The following APOA1 variants were observed in gnomAD, a reference collection of about 807,000 sequenced individuals.
The protein encoded by APOA1 is apolipoprotein A-I.
APOA1 carries 22 observed loss-of-function variants against 25.9 expected under a neutral mutation model. That is an observed-to-expected ratio of 0.85 (90% CI 0.61 to 1.21). The LOEUF is 1.21. Among genes scored for constraint, APOA1 ranks in the 50% most tolerant of loss-of-function variants. The probability of loss-of-function intolerance (pLI) is 0.00; values close to 1 mark genes in which losing one functional copy is unlikely to be tolerated. For missense variants in APOA1, 351 were observed against 347.9 expected (o/e 1.01, Z -0.07); for synonymous variants, 163 against 152.2 (o/e 1.07, Z -0.52).
In APOA1 at chr11:116,837,165, T is replaced by A. The variant is rs1158035521; in HGVS notation, c.44-8A>T. On this transcript the variant is annotated splice_region_variant and splice_polypyrimidine_tract_variant and intron_variant, in intron 2 of 3. Transcript: ENST00000236850. ...AATGCCGAGCCTGGCTCCCTGAGGG[T>A]GGGAGGGGAGACCCAGATCAGGCCA... 3 of 1,608,838 alleles carry A rather than the reference T, an allele frequency of 1.9e-6. No individual in the cohort carries two copies. Among genetic ancestry groups the A allele is most frequent in the Non-Finnish European group, 2.5e-6 (3 of 1,177,318 alleles).
Position 116,835,974 on chromosome 11 carries a change from A to C in APOA1, c.638T>G (p.Leu213Arg). The change falls in exon 4 of 4, where the codon CTG (leucine) becomes CGG (arginine). Residue 213 changes from leucine to arginine, a missense_variant. Leu to Arg is a moderately radical substitution (Grantham distance 102, BLOSUM62 -2). Transcript: ENST00000236850. Reference protein sequence around the residue: ...EALKENGGARLAEYHAKATEH... With the variant: ...EALKENGGARRAEYHAKATEH... ...GGTGGCCTTGGCGTGGTACTCGGCCAGTCTGGCGCCGCCGTTCTCCTTGAG... is the reference window on the plus strand; with the variant it reads ...GGTGGCCTTGGCGTGGTACTCGGCCCGTCTGGCGCCGCCGTTCTCCTTGAG... The C allele has an allele frequency of 6.2e-7, 1 of 1,610,704 alleles. No homozygotes were observed. Among genetic ancestry groups the C allele is most frequent in the Non-Finnish European group, 8.5e-7 (1 of 1,179,870 alleles).
chr11:116,836,909 T>C (rs1166252522), intron 3 of APOA1, 92 bp downstream of exon 3: 2 of 1,383,466 alleles, frequency 1.4e-6, no homozygotes, highest in African/African-American at 1.4e-5. Flanking sequence ...GCTCATCAGA[T>C]ATTAGGTGAG....
chr11:116,837,329 G>C lies in APOA1; in HGVS notation c.43+16C>G. The C allele has an allele frequency of 6.4e-7, 1 of 1,573,942 alleles. No individual in the cohort carries two copies. The highest frequency in any genetic ancestry group is 1.2e-5 in the South Asian group (1 of 86,710). ...AGCCCCCCGATGGTTGGCTCCCTAG[G>C]TTAGGGGACACCTACCCGTCAGGAA... On this transcript the variant is annotated intron_variant, in intron 2 of 3. Coordinates refer to ENST00000236850, the MANE Select transcript of APOA1 (RefSeq NM_000039.3).
At chr11:116,836,509 C>T in intron 3 of APOA1, 98 bp from the exon 4 acceptor site, 1 of 1,487,410 alleles carries the variant, frequency 6.7e-7, no homozygotes, top group Non-Finnish European at 9.1e-7. Context: ...GGTGCAGTGG[C>T]CTAGCATTTC....
chr11:116,836,435 G>A, intron 3 of APOA1, 24 bp from the exon 4 acceptor site: 1 of 1,612,522 alleles, frequency 6.2e-7, no homozygotes, highest in Non-Finnish European at 8.5e-7. Context: ...CAGAAGGGTT[G>A]AGGGCTGGCC....
rs780576714 is a variant in APOA1, at chr11:116,837,287, C to T, written c.43+58G>A. The T allele has an allele frequency of 4.3e-5, 69 of 1,590,964 alleles. No individual in the cohort carries two copies. In the Middle Eastern group the frequency reaches 6.6e-4, roughly 15 times the overall value. On this transcript the variant is annotated intron_variant, in intron 2 of 3. Coordinates refer to ENST00000236850, the MANE Select transcript of APOA1 (RefSeq NM_000039.3). ...TGCCTCTGCCCAGGAGGGTGGGCCA[C>T]GGGGATTTAGGGAGAAAGCCCCCCG...
intron 2 of APOA1, 74 bp downstream of exon 2, chr11:116,837,254 AAACCTGCTGCCTCTGCC>A (rs1941578337): frequency 6.3e-7 from 1 of 1,585,914 alleles, no homozygotes; most frequent in Admixed American, 1.7e-5. Flanking sequence ...GGCCAGTGAG[AAACCTGCTGCCTCTGCC>A]CAGGAGGGTG....
Position 116,836,624 on chromosome 11 carries a change from T to C in APOA1, c.201-213A>G, listed in dbSNP as rs1397455359. Reference sequence around the variant, plus strand: ...AAAAAGGAGACAGAGCTGGGACTAGTGCCCAGTTACGTTGGTCTCCAAAGT... The same window carrying C: ...AAAAAGGAGACAGAGCTGGGACTAGCGCCCAGTTACGTTGGTCTCCAAAGT... On this transcript the variant is annotated intron_variant, in intron 3 of 3. Coordinates refer to ENST00000236850, the MANE Select transcript of APOA1 (RefSeq NM_000039.3). Among the ~76,000 whole-genome samples, 6 of 152,182 alleles carry C rather than the reference T, an allele frequency of 3.9e-5. No homozygotes were observed. The East Asian group carries it at 1.2e-3, about 29-fold the overall frequency.
intron 1 of APOA1, 72 bp from the exon 2 acceptor site, chr11:116,837,479 T>G: frequency 1.4e-6 from 2 of 1,453,618 alleles, no homozygotes; most frequent in East Asian, 4.9e-5. Context: ...CCCCACTCAT[T>G]GCAGCCAGGT....
In APOA1 at chr11:116,836,323, C is replaced by T. The variant is rs1410980767; in HGVS notation, c.289G>A (p.Asp97Asn). The part of the protein sequence containing the change: ...QLGPVTQEFW[D>N]NLEKETEGLR... Reference sequence around the variant, plus strand: ...CCCTCTGTCTCCTTTTCCAGGTTATCCCAGAACTCCTGGGTCACAGGGCCG... The same window carrying T: ...CCCTCTGTCTCCTTTTCCAGGTTATTCCAGAACTCCTGGGTCACAGGGCCG... The change falls in exon 4 of 4, where the codon GAT (aspartate) becomes AAT (asparagine). Residue 97 changes from aspartate (D) to asparagine (N), a missense_variant. Asp to Asn is a conservative substitution (Grantham distance 23). Coordinates refer to ENST00000236850, the MANE Select transcript of APOA1 (RefSeq NM_000039.3). 5.0e-6 allele frequency: 8 copies of T among 1,614,196 alleles called. No homozygotes were observed. The highest frequency in any genetic ancestry group is 5.1e-6 in the Non-Finnish European group (6 of 1,180,042).
chr11:116,837,472 C>T, intron 1 of APOA1, 65 bp from the exon 2 acceptor site: 1 of 1,482,032 alleles, frequency 6.7e-7, no homozygotes, highest in Non-Finnish European at 9.2e-7. Context: ...CGTGCTCCCC[C>T]ACTCATTGCA....
rs1941525002 is a variant in APOA1 at position 116,835,787 on chromosome 11, A to AG, written c.*20dup. ...GAAACGTTTATTCTGAGCACCGGGAAGGGGGGCGGCGGCGGGCGCCTCACT... is the reference window on the plus strand; with the variant it reads ...GAAACGTTTATTCTGAGCACCGGGAAGGGGGGGCGGCGGCGGGCGCCTCACT... On this transcript the variant is annotated 3_prime_UTR_variant, in exon 4 of 4. Transcript: ENST00000236850. 1 of 1,612,802 alleles carries AG rather than the reference A, an allele frequency of 6.2e-7. No homozygotes were observed. The highest frequency in any genetic ancestry group is 8.5e-7 in the Non-Finnish European group (1 of 1,179,924).
chr11:116,835,774 C>T lies in APOA1; in HGVS notation c.*34G>A. ...GCTTCCCACTTTGGAAACGTTTATT[C>T]TGAGCACCGGGAAGGGGGGCGGCGG... On this transcript the variant is annotated 3_prime_UTR_variant, in exon 4 of 4. Coordinates refer to ENST00000236850, the MANE Select transcript of APOA1 (RefSeq NM_000039.3). The T allele has an allele frequency of 1.9e-6, 3 of 1,612,888 alleles. No individual in the cohort carries two copies. The South Asian group carries it at 3.3e-5, about 18-fold the overall frequency.
In APOA1 at chr11:116,835,784, G is replaced by C. The variant is rs531513949; in HGVS notation, c.*24C>G. 18 of 1,613,006 alleles carry C rather than the reference G, an allele frequency of 1.1e-5. No homozygotes were observed. The South Asian group carries it at 1.8e-4, about 16-fold the overall frequency. On this transcript the variant is annotated 3_prime_UTR_variant, in exon 4 of 4. Coordinates refer to ENST00000236850, the MANE Select transcript of APOA1 (RefSeq NM_000039.3). The stretch of plus-strand genomic sequence containing the variant: ...TTGGAAACGTTTATTCTGAGCACCG[G>C]GAAGGGGGGCGGCGGCGGGCGCCTC...
rs1230139450 is a variant in APOA1, at chr11:116,836,363, C to G, written c.249G>C (p.Lys83Asn). 1 of 1,614,156 alleles carries G rather than the reference C, an allele frequency of 6.2e-7. No individual in the cohort carries two copies. The highest frequency in any genetic ancestry group is 2.2e-5 in the East Asian group (1 of 44,878). ...TCACAGGGCCGAGCTGTTCGCGCAG[C>G]TTGCTGAAGGTGGAGGTCACGCTGT... Reference protein sequence around the residue: ...NWDSVTSTFSKLREQLGPVTQ... With the variant: ...NWDSVTSTFSNLREQLGPVTQ... The change falls in exon 4 of 4, where the codon AAG becomes AAC. Residue 83 changes from lysine (K) to asparagine (N), a missense_variant. By Grantham distance (94) the Lys-to-Asn change is moderately conservative. Transcript: ENST00000236850.
Position 116,837,379 on chromosome 11 carries a change from A to G in APOA1, c.9T>C (p.Ala3=), listed in dbSNP as rs141383703. The change falls in exon 2 of 4, where the codon GCT becomes GCC. Residue 3 remains alanine (A), a synonymous_variant. Transcript: ENST00000236850. MK[A]AVLTLAVLFL... ...AGAGCACGGCCAAGGTCAGCACCGC[A>G]GCTTTCATCCTGAAGGGCCGTGGGG... 2.1e-4 allele frequency: 327 copies of G among 1,560,830 alleles called. 1 individual carries two copies. The highest frequency in any genetic ancestry group is 8.1e-4 in the South Asian group (69 of 84,920).
In APOA1 at chr11:116,836,135, G is replaced by T. The variant is rs749164883; in HGVS notation, c.477C>A (p.His159Gln). Residue 159 changes from histidine to glutamine, a missense_variant, in exon 4 of 4, where the codon CAC (histidine) becomes CAA (glutamine). Transcript: ENST00000236850. ...ELQEGARQKL[H>Q]ELQEKLSPLG... ...GTGGGCTCAGCTTCTCTTGCAGCTC[G>T]TGCAGCTTCTGGCGCGCGCCCTCTT... 1.2e-6 allele frequency: 2 copies of T among 1,612,938 alleles called. No individual in the cohort carries two copies. Among genetic ancestry groups the T allele is most frequent in the South Asian group, 1.1e-5 (1 of 91,088 alleles).
chr11:116,835,949 G>C lies in APOA1; in HGVS notation c.663C>G (p.Thr221=), dbSNP rs1038782960. 5.6e-6 allele frequency: 9 copies of C among 1,612,334 alleles called. No homozygotes were observed. Among genetic ancestry groups the C allele is most frequent in the Non-Finnish European group, 6.8e-6 (8 of 1,179,950 alleles). ...ARLAEYHAKA[T]EHLSTLSEKA... is the part of the protein sequence containing the mutation. ...TCTCGCTGAGCGTGCTCAGATGCTC[G>C]GTGGCCTTGGCGTGGTACTCGGCCA... is the stretch of plus-strand genomic sequence containing the variant. The change falls in exon 4 of 4, where the codon ACC becomes ACG. Residue 221 remains threonine (T), a synonymous_variant. Transcript: ENST00000236850.
rs1941582904 is a variant in APOA1, at chr11:116,837,396, G to T, written c.-9C>A. On this transcript the variant is annotated 5_prime_UTR_variant, in exon 2 of 4. Transcript: ENST00000236850. Reference sequence around the variant, plus strand: ...AGCACCGCAGCTTTCATCCTGAAGGGCCGTGGGGGACCTGGAGGAGAAGAA... The same window carrying T: ...AGCACCGCAGCTTTCATCCTGAAGGTCCGTGGGGGACCTGGAGGAGAAGAA... 3 of 1,557,058 alleles carry T rather than the reference G, an allele frequency of 1.9e-6. No homozygotes were observed. Among genetic ancestry groups the T allele is most frequent in the Non-Finnish European group, 1.7e-6 (2 of 1,149,878 alleles).
Sources: gnomAD v4.1 joint callset for allele counts (sites outside exome capture counted in the v4.1 genomes callset) on GRCh38, gnomAD v4.1.1 for gene constraint, MANE v1.5 for transcripts, NCBI Gene and HGNC (gene_info 2026-07-23, HGNC 2026-07-21) for gene names.